The following NIBAN1 variants were observed in gnomAD, a reference collection of about 807,000 sequenced individuals.
NIBAN1 encodes the protein niban apoptosis regulator 1.
Under a neutral mutation model 75.1 loss-of-function variants are expected in NIBAN1, and 81 were observed. The ratio of observed to expected loss-of-function variants is 1.08; its 90% CI spans 0.90 to 1.30. NIBAN1 has a LOEUF of 1.30. Ranked by LOEUF, NIBAN1 falls within the 50% of genes most tolerant of loss-of-function variation. The probability of loss-of-function intolerance (pLI) is 0.00; values close to 1 mark genes in which losing one functional copy is unlikely to be tolerated. For synonymous variants in NIBAN1, 436 were observed against 424.8 expected, an observed-to-expected ratio of 1.03 and a Z score of -0.32; for missense variants, 1,133 against 1,128.1, an observed-to-expected ratio of 1.00 and a Z score of -0.06.
At chr1:184,866,444 T>C (rs1655959260) in intron 5 of NIBAN1, among the ~76,000 whole-genome samples, 2 of 152,312 alleles carry the variant, frequency 1.3e-5, no homozygotes, top group South Asian at 4.1e-4. Context: ...GTTATAATTC[T>C]AGGATGTGTT....
At chr1:184,959,760 C>T (rs1278829324) in intron 1 of NIBAN1, among the ~76,000 whole-genome samples, 1 of 152,232 alleles carries the variant, frequency 6.6e-6, no homozygotes, top group Non-Finnish European at 1.5e-5. Flanking sequence ...CTAATTTCTG[C>T]TCACTACTGC....
At chr1:184,836,654 A>T (rs1655153682) in intron 5 of NIBAN1, among the ~76,000 whole-genome samples, 1 of 152,216 alleles carries the variant, frequency 6.6e-6, no homozygotes, top group African/African-American at 2.4e-5. Context: ...AAGCATCTTA[A>T]TACAGAAGAG....
intron 1 of NIBAN1, among the ~76,000 whole-genome samples, chr1:184,924,611 T>G (rs1344716638): frequency 6.6e-6 from 1 of 152,186 alleles, no homozygotes; most frequent in Non-Finnish European, 1.5e-5. Flanking sequence ...TGGGTAGGAT[T>G]GGTATTAGTT....
At chr1:184,828,876 A>T (rs1005016961) in intron 6 of NIBAN1, among the ~76,000 whole-genome samples, 1 of 151,494 alleles carries the variant, frequency 6.6e-6, no homozygotes, top group African/African-American at 2.4e-5. Context: ...AGCTCACTGC[A>T]TCCTTGACCT....
At chr1:184,878,872 G>A (rs1656301610) in intron 5 of NIBAN1, among the ~76,000 whole-genome samples, 2 of 152,138 alleles carry the variant, frequency 1.3e-5, no homozygotes, top group South Asian at 4.1e-4. Flanking sequence ...CTGAGGGACT[G>A]GAATAGGTGA....
rs185710836 is a variant in NIBAN1, at chr1:184,916,828, T to C, written c.56-17519A>G. Among the ~76,000 whole-genome samples, 161 of 152,298 alleles carry C rather than the reference T, an allele frequency of 1.1e-3. 2 individuals are homozygous for C. Among genetic ancestry groups the C allele is most frequent in the African/African-American group, 3.6e-3 (151 of 41,572 alleles). The stretch of plus-strand genomic sequence containing the variant: ...TCTCGTTTAAACCTGCTTATTCTAC[T>C]ATTCATCTCCTTCAGCCTTCCAAGC... On this transcript the variant is annotated intron_variant, in intron 1 of 13. Transcript: ENST00000367511.
intron 1 of NIBAN1, among the ~76,000 whole-genome samples, chr1:184,919,891 CA>C (rs1463205261): frequency 6.7e-6 from 1 of 149,928 alleles, no homozygotes; most frequent in Non-Finnish European, 1.5e-5. Context: ...TACCTTCAAG[CA>C]GAAGAAATTT....
intron 1 of NIBAN1, among the ~76,000 whole-genome samples, chr1:184,927,559 C>A (rs1359544563): frequency 6.6e-6 from 1 of 152,144 alleles, no homozygotes; most frequent in East Asian, 1.9e-4. Context: ...GTGACACAAG[C>A]ACCCAGTGAC....
intron 9 of NIBAN1, among the ~76,000 whole-genome samples, chr1:184,812,062 T>A (rs1184585380): frequency 6.6e-6 from 1 of 152,170 alleles, no homozygotes; most frequent in Non-Finnish European, 1.5e-5. Flanking sequence ...ATCAGAACTT[T>A]TCAGTGTCGC....
At chr1:184,807,978 C>A (rs1654253838) in intron 10 of NIBAN1, 96 bp downstream of exon 10, 9 of 1,421,296 alleles carry the variant, frequency 6.3e-6, no homozygotes, top group Non-Finnish European at 8.9e-6. Context: ...CGACGTATTT[C>A]CCTGAGCTAC....
In NIBAN1 at chr1:184,807,998, T is replaced by C. The variant is rs143924181; in HGVS notation, c.1335+76A>G. ...TATTTCCCTGAGCTACACTAGCAGC[T>C]GGTCTCACTGGCCAGCACCCATTTC... On this transcript the variant is annotated intron_variant, in intron 10 of 13. Coordinates refer to ENST00000367511, the MANE Select transcript of NIBAN1 (RefSeq NM_052966.4). The C allele has an allele frequency of 3.7e-4, 561 of 1,529,856 alleles. 3 individuals carry two copies. In the African/African-American group the frequency reaches 7.0e-3, roughly 19 times the overall value. The allele number at this position is 1,529,856 out of a possible 1,614,324, so 94.8% of individuals were successfully genotyped here.
intron 5 of NIBAN1, among the ~76,000 whole-genome samples, chr1:184,883,674 A>G (rs1656435271): frequency 6.6e-6 from 1 of 152,224 alleles, no homozygotes; most frequent in African/African-American, 2.4e-5. Context: ...AACCAGCAGC[A>G]TCAGTGCCAC....
rs12073369 is a variant in NIBAN1, at chr1:184,854,696, C to G, written c.602-22734G>C. Among the ~76,000 whole-genome samples the G allele has an allele frequency of 5.8e-4, 88 of 152,280 alleles. 1 individual carries two copies. The highest frequency in any genetic ancestry group is 2.0e-3 in the African/African-American group (85 of 41,568). On this transcript the variant is annotated intron_variant, in intron 5 of 13. Coordinates refer to ENST00000367511, the MANE Select transcript of NIBAN1 (RefSeq NM_052966.4). ...AACAGGATACAGCCTTGCAACAATCCACTATATTTATAGTAACAGATTGTT... is the reference window on the plus strand; with the variant it reads ...AACAGGATACAGCCTTGCAACAATCGACTATATTTATAGTAACAGATTGTT...
intron 5 of NIBAN1, among the ~76,000 whole-genome samples, chr1:184,865,690 A>G (rs1655938854): frequency 6.6e-6 from 1 of 152,224 alleles, no homozygotes; most frequent in Non-Finnish European, 1.5e-5. Flanking sequence ...GGCATCATGC[A>G]ACACATTTCA....
Position 184,823,757 on chromosome 1 carries a change from A to G in NIBAN1, c.718-15T>C. The G allele has an allele frequency of 6.2e-7, 1 of 1,612,330 alleles. No individual in the cohort carries two copies. The highest frequency in any genetic ancestry group is 8.5e-7 in the Non-Finnish European group (1 of 1,178,412). On this transcript the variant is annotated splice_polypyrimidine_tract_variant and intron_variant, in intron 6 of 13. Coordinates refer to ENST00000367511, the MANE Select transcript of NIBAN1 (RefSeq NM_052966.4). Reference sequence around the variant, plus strand: ...TTACTCAGGATCTGCGCAGCAGAAGACAGCCCAGAGTCGGTCAGTCGGTGA... The same window carrying G: ...TTACTCAGGATCTGCGCAGCAGAAGGCAGCCCAGAGTCGGTCAGTCGGTGA...
At chr1:184,952,134 C>T (rs1194533083) in intron 1 of NIBAN1, among the ~76,000 whole-genome samples, 1 of 152,210 alleles carries the variant, frequency 6.6e-6, no homozygotes, top group Non-Finnish European at 1.5e-5. Context: ...GGCATGATGG[C>T]TTACGCCTAT....
intron 1 of NIBAN1, among the ~76,000 whole-genome samples, chr1:184,899,964 G>A (rs1321151670): frequency 6.6e-6 from 1 of 151,938 alleles, no homozygotes; most frequent in East Asian, 1.9e-4. Flanking sequence ...TTACATGTAT[G>A]TGCCACCATG....
intron 9 of NIBAN1, among the ~76,000 whole-genome samples, chr1:184,809,505 G>A (rs1654304253): frequency 6.6e-6 from 1 of 151,814 alleles, no homozygotes; most frequent in African/African-American, 2.4e-5. Context: ...TTTTTGAAAT[G>A]CAATGGAAAC....
intron 1 of NIBAN1, among the ~76,000 whole-genome samples, chr1:184,901,373 G>T (rs546247270): frequency 1.3e-5 from 2 of 152,162 alleles, no homozygotes; most frequent in African/African-American, 4.8e-5. Flanking sequence ...CTATTAATCA[G>T]TATTTGCATA....
Sources: gnomAD v4.1 joint callset for allele counts (sites outside exome capture counted in the v4.1 genomes callset) on GRCh38, gnomAD v4.1.1 for gene constraint, MANE v1.5 for transcripts, NCBI Gene and HGNC (gene_info 2026-07-23, HGNC 2026-07-21) for gene names.